The following MSH3 variants were observed in gnomAD, a reference collection of about 807,000 sequenced individuals.
MSH3 encodes the protein DNA mismatch repair protein Msh3.
Under a neutral mutation model 123.3 loss-of-function variants are expected in MSH3, and 106 were observed. That is an observed-to-expected ratio of 0.86 (90% confidence interval 0.73 to 1.01). The LOEUF is 1.01. MSH3 is among the 50% of genes least tolerant of loss of function. The pLI is 0.00. For synonymous variants in MSH3, 515 were observed against 481.4 expected, an observed-to-expected ratio of 1.07 and a Z score of -0.91; for missense variants, 1,459 against 1,347.6, an observed-to-expected ratio of 1.08 and a Z score of -1.29.
At chr5:80,668,427 G>A (rs904472694) in intron 3 of MSH3, among the ~76,000 whole-genome samples, 1 of 152,136 alleles carries the variant, frequency 6.6e-6, no homozygotes, top group African/African-American at 2.4e-5. Flanking sequence ...TTTGTGCCAT[G>A]GGGCACCTGC....
intron 10 of MSH3, among the ~76,000 whole-genome samples, chr5:80,731,594 T>C (rs1052069828): frequency 5.3e-5 from 8 of 152,044 alleles, no homozygotes; most frequent in African/African-American, 1.9e-4. Flanking sequence ...GTATATTTCA[T>C]TGGAAATTGC....
chr5:80,678,793 C>G (rs1749897739), intron 7 of MSH3, 134 bp from the exon 8 acceptor site: 1 of 956,358 alleles, frequency 1.0e-6, no homozygotes, highest in East Asian at 2.6e-5. Context: ...AGACAGGTTT[C>G]TAACACTTTA....
At position 80,711,741 on chromosome 5, in the gene MSH3, G is replaced by A. The variant is rs547788821; in HGVS notation, c.1341-13712G>A. Among the ~76,000 whole-genome samples, 8 of 151,540 alleles carry A rather than the reference G, an allele frequency of 5.3e-5. No homozygotes were observed. In the South Asian group the frequency reaches 1.0e-3, roughly 20 times the overall value. Reference sequence around the variant, plus strand: ...GTCATCTCGGCTCACTGCAACCTCCGCCTCCTGGGTTCAAGCGATTCTCCT... The same window carrying A: ...GTCATCTCGGCTCACTGCAACCTCCACCTCCTGGGTTCAAGCGATTCTCCT... On this transcript the variant is annotated intron_variant, in intron 8 of 23. Coordinates refer to ENST00000265081, the MANE Select transcript of MSH3 (RefSeq NM_002439.5).
At chr5:80,814,372 A>C (rs916125200) in intron 20 of MSH3, among the ~76,000 whole-genome samples, 1 of 152,122 alleles carries the variant, frequency 6.6e-6, no homozygotes, top group Non-Finnish European at 1.5e-5. Context: ...CCCCAGTTCA[A>C]GCTATTCTCC....
Position 80,792,729 on chromosome 5 carries a change from GC to G in MSH3, c.2544-3del. 1 of 1,562,340 alleles carries G rather than the reference GC, an allele frequency of 6.4e-7. No homozygotes were observed. The highest frequency in any genetic ancestry group is 8.8e-7 in the Non-Finnish European group (1 of 1,136,030). The stretch of plus-strand genomic sequence containing the variant: ...GTAAATTGAAACATATTTCTTTTTT[GC>G]AGACCAACTGTACAAGAAGAAAGAA... On this transcript the variant is annotated splice_polypyrimidine_tract_variant and splice_region_variant and intron_variant, in intron 18 of 23. Transcript: ENST00000265081.
chr5:80,760,885 T>C (rs561548562), intron 12 of MSH3, among the ~76,000 whole-genome samples: 1 of 152,254 alleles, frequency 6.6e-6, no homozygotes, highest in East Asian at 1.9e-4. Flanking sequence ...CCACCCATGC[T>C]TCAGAACTGA....
intron 21 of MSH3, among the ~76,000 whole-genome samples, chr5:80,859,485 A>G (rs1745973564): frequency 6.6e-6 from 1 of 152,268 alleles, no homozygotes; most frequent in Non-Finnish European, 1.5e-5. Flanking sequence ...CTTGTAGACA[A>G]CATACAGTTA....
chr5:80,819,317 C>T (rs1372066804), intron 20 of MSH3, among the ~76,000 whole-genome samples: 1 of 151,216 alleles, frequency 6.6e-6, no homozygotes, highest in Non-Finnish European at 1.5e-5. Flanking sequence ...GGACAAGTCA[C>T]CCAGTTCCCC....
chr5:80,867,231 G>C (rs1255744895), intron 22 of MSH3, among the ~76,000 whole-genome samples: 1 of 152,188 alleles, frequency 6.6e-6, no homozygotes, highest in Non-Finnish European at 1.5e-5. Context: ...GTGGGCTTCA[G>C]CTCCTCCTTT....
At chr5:80,810,350 CTA>C (rs1242984213) in intron 19 of MSH3, among the ~76,000 whole-genome samples, 2 of 135,820 alleles carry the variant, frequency 1.5e-5, no homozygotes, top group Non-Finnish European at 3.2e-5. Context: ...TAGATTATCT[CTA>C]TTTTTGTCAG....
intron 8 of MSH3, among the ~76,000 whole-genome samples, chr5:80,692,676 T>TTATATAGATAAATATACATACACATGTA (rs887256724): frequency 5.0e-5 from 7 of 141,220 alleles, no homozygotes; most frequent in East Asian, 4.4e-4. Flanking sequence ...ATGTATATGT[T>TTATATAGATAAATATACATACACATGTA]TATGTTTATA....
chr5:80,798,420 A>C (rs1037082259), intron 19 of MSH3, among the ~76,000 whole-genome samples: 2 of 152,238 alleles, frequency 1.3e-5, no homozygotes, highest in Non-Finnish European at 2.9e-5. Flanking sequence ...TAGCTGGCCC[A>C]GAAATACTTG....
At chr5:80,719,604 A>G (rs1250071123) in intron 8 of MSH3, among the ~76,000 whole-genome samples, 1 of 152,198 alleles carries the variant, frequency 6.6e-6, no homozygotes, top group Non-Finnish European at 1.5e-5. Flanking sequence ...TACTGAATCT[A>G]TGTTATTAAA....
At chr5:80,842,853 G>C (rs1279233850) in intron 20 of MSH3, among the ~76,000 whole-genome samples, 1 of 152,118 alleles carries the variant, frequency 6.6e-6, no homozygotes, top group East Asian at 1.9e-4. Context: ...TCTGCAAACA[G>C]GGACAATTTG....
At chr5:80,684,427 T>C (rs1470479162) in intron 8 of MSH3, among the ~76,000 whole-genome samples, 7 of 152,196 alleles carry the variant, frequency 4.6e-5, no homozygotes, top group Non-Finnish European at 8.8e-5. Context: ...TTTATTTTAT[T>C]TGTAGCTATT....
intron 8 of MSH3, among the ~76,000 whole-genome samples, chr5:80,707,031 CCCA>C (rs1425924047): frequency 6.6e-6 from 1 of 152,160 alleles, no homozygotes; most frequent in Non-Finnish European, 1.5e-5. Flanking sequence ...TGGTTTTCTC[CCCA>C]CCTCCACCTC....
intron 19 of MSH3, among the ~76,000 whole-genome samples, chr5:80,809,350 C>G (rs1744965933): frequency 6.7e-6 from 1 of 148,248 alleles, no homozygotes; most frequent in African/African-American, 2.5e-5. Context: ...TTTTAGTTTA[C>G]CAAGTTAATA....
chr5:80,669,183 A>G (rs1175528090), intron 3 of MSH3, among the ~76,000 whole-genome samples: 1 of 152,154 alleles, frequency 6.6e-6, no homozygotes, highest in African/African-American at 2.4e-5. Context: ...TGTTTTAAAC[A>G]TTTGGGAACT....
At chr5:80,692,600 TTATA>T (rs925107064) in intron 8 of MSH3, among the ~76,000 whole-genome samples, 2 of 146,600 alleles carry the variant, frequency 1.4e-5, no homozygotes, top group African/African-American at 4.9e-5. Context: ...ATGTATATGT[TTATA>T]TAGATGAATA....
Sources: gnomAD v4.1 joint callset for allele counts (sites outside exome capture counted in the v4.1 genomes callset) on GRCh38, gnomAD v4.1.1 for gene constraint, MANE v1.5 for transcripts, NCBI Gene and HGNC (gene_info 2026-07-23, HGNC 2026-07-21) for gene names.